The following PTER variants were observed in gnomAD, a reference collection of about 807,000 sequenced individuals.
PTER encodes the protein N-acetyltaurine hydrolase.
A neutral mutation model predicts 29.6 loss-of-function variants in PTER; 38 were observed. The ratio of observed to expected loss-of-function variants is 1.28; its 90% confidence interval spans 0.99 to 1.68. The LOEUF (loss-of-function observed/expected upper bound fraction) is 1.68, where lower values mean the gene tolerates loss of function less well. PTER is among the 40% of genes most tolerant of loss of function. The pLI is 0.00. For synonymous variants in PTER, 172 were observed against 154.5 expected, an observed-to-expected ratio of 1.11 and a Z score of -0.84; for missense variants, 482 against 427.8, an observed-to-expected ratio of 1.13 and a Z score of -1.12.
rs200152484 is a variant in PTER at position 16,476,903 on chromosome 10, T to TCTC, written c.-48-7434_-48-7433insCTC. Among the ~76,000 whole-genome samples the TCTC allele has an allele frequency of 2.9e-4, 30 of 102,920 alleles. 1 individual carries two copies. Among genetic ancestry groups the TCTC allele is most frequent in the South Asian group, 2.4e-3 (7 of 2,914 alleles). 67.5% of individuals were successfully genotyped at this position (102,920 alleles called of 152,430 possible). A position where few individuals can be genotyped will look rare whatever the true frequency, so the allele number is the denominator to read the frequency against. On this transcript the variant is annotated intron_variant, in intron 1 of 4. Transcript: ENST00000535784. Reference sequence around the variant, plus strand: ...AACCACCCCTCCATCCTAGAATTCTTTTTTTTTTTTTTTTTTTTTTGAGAC... The same window carrying TCTC: ...AACCACCCCTCCATCCTAGAATTCTTCTCTTTTTTTTTTTTTTTTTTTTGAGAC...
Position 16,512,990 on chromosome 10 carries a change from A to T in PTER, c.*1734A>T, listed in dbSNP as rs1323720790. On this transcript the variant is annotated 3_prime_UTR_variant, in exon 5 of 5. Transcript: ENST00000535784. ...CCAAATCTACTGTACTGTCAGCTTC[A>T]CTCCACCTGAGAAAAAAGAAAAAAA... 1 of 152,364 alleles carries T rather than the reference A, an allele frequency of 6.6e-6. No homozygotes were observed. Among genetic ancestry groups the T allele is most frequent in the Non-Finnish European group, 1.5e-5 (1 of 67,946 alleles). 9.4% of individuals were successfully genotyped at this position (152,364 alleles called of 1,614,324 possible).
At chr10:16,438,469 GT>G (rs1554784924) in intron 1 of PTER, among the ~76,000 whole-genome samples, 8 of 95,060 alleles carry the variant, frequency 8.4e-5, no homozygotes, top group South Asian at 3.2e-4. Flanking sequence ...TCTGTTTTTT[GT>G]TTTTTTTTTT....
intron 1 of PTER, among the ~76,000 whole-genome samples, chr10:16,463,675 C>T (rs889543345): frequency 6.6e-6 from 1 of 152,212 alleles, no homozygotes; most frequent in East Asian, 1.9e-4. Context: ...CTCGGCTTCC[C>T]AAACTGCTGG....
At chr10:16,450,451 T>A (rs1834163594) in intron 1 of PTER, among the ~76,000 whole-genome samples, 1 of 152,026 alleles carries the variant, frequency 6.6e-6, no homozygotes, top group Non-Finnish European at 1.5e-5. Context: ...CTCATAAGAG[T>A]TTATAAGCTC....
At position 16,511,000 on chromosome 10, in the gene PTER, G is replaced by A. The variant is rs758869868; in HGVS notation, c.840-46G>A. The A allele has an allele frequency of 2.3e-5, 35 of 1,544,860 alleles. 1 individual carries two copies. The highest frequency in any genetic ancestry group is 5.7e-5 in the Admixed American group (3 of 52,884). On this transcript the variant is annotated intron_variant, in intron 4 of 4. Transcript: ENST00000535784. ...AAAAGTTGAAAGCATCCTGAAAAGCGAAAATGAAAGACAAATGACATCTAA... is the reference window on the plus strand; with the variant it reads ...AAAAGTTGAAAGCATCCTGAAAAGCAAAAATGAAAGACAAATGACATCTAA...
intron 3 of PTER, among the ~76,000 whole-genome samples, chr10:16,498,852 C>G (rs769990928): frequency 1.3e-5 from 2 of 152,178 alleles, no homozygotes; most frequent in Non-Finnish European, 2.9e-5. Flanking sequence ...AGCGCTTTGG[C>G]AGTCCCTGGA....
chr10:16,462,831 A>G (rs1214620379), intron 1 of PTER, among the ~76,000 whole-genome samples: 1 of 148,978 alleles, frequency 6.7e-6, no homozygotes, highest in Non-Finnish European at 1.5e-5. Flanking sequence ...TCAGCCTCCC[A>G]AAGTGCTGGG....
At chr10:16,446,349 G>A (rs538870764) in intron 1 of PTER, among the ~76,000 whole-genome samples, 1 of 152,088 alleles carries the variant, frequency 6.6e-6, no homozygotes, top group African/African-American at 2.4e-5. Flanking sequence ...TTCTTGAGTA[G>A]CTGAGATTAA....
rs991874694 is a variant in PTER, at chr10:16,511,352, A to T, written c.*96A>T. The T allele has an allele frequency of 1.2e-5, 14 of 1,120,360 alleles. No individual in the cohort carries two copies. The highest frequency in any genetic ancestry group is 2.7e-4 in the Middle Eastern group (1 of 3,716). The allele number at this position is 1,120,360 out of a possible 1,614,324, so 69.4% of individuals were successfully genotyped here. On this transcript the variant is annotated 3_prime_UTR_variant, in exon 5 of 5. Transcript: ENST00000535784. ...GTGAGATATTAATCAGTTACCTAGG[A>T]CTAATGACAGATCATTTCCTTCTGA...
At chr10:16,517,139 A>C (rs1289379763), downstream of PTER, among the ~76,000 whole-genome samples, 1 of 152,240 alleles carries the variant, frequency 6.6e-6, no homozygotes, top group Non-Finnish European at 1.5e-5. Context: ...TGATTTCAGC[A>C]TTCTGTCTGG....
At chr10:16,483,761 C>G (rs1019456595) in intron 1 of PTER, among the ~76,000 whole-genome samples, 2 of 151,998 alleles carry the variant, frequency 1.3e-5, no homozygotes, top group African/African-American at 4.8e-5. Context: ...CAGGAAAATC[C>G]CTTGAACCCA....
chr10:16,459,848 A>C (rs542349203), intron 1 of PTER, among the ~76,000 whole-genome samples: 167 of 152,228 alleles, frequency 1.1e-3, no homozygotes, highest in African/African-American at 3.9e-3. Flanking sequence ...CCCGGGTTCA[A>C]CCGAGTCTCC....
chr10:16,466,557 T>C (rs1834841437), intron 1 of PTER, among the ~76,000 whole-genome samples: 2 of 152,196 alleles, frequency 1.3e-5, no homozygotes, highest in South Asian at 4.1e-4. Flanking sequence ...GGTCTTGCCA[T>C]GTTGGCCAGG....
chr10:16,449,715 G>A (rs563964151), intron 1 of PTER, among the ~76,000 whole-genome samples: 1 of 152,292 alleles, frequency 6.6e-6, no homozygotes, highest in Admixed American at 6.5e-5. Context: ...CTTCAAGGAT[G>A]CAGGTGCTCC....
intron 4 of PTER, 130 bp from the exon 5 acceptor site, chr10:16,510,916 G>C (rs1032527714): frequency 9.7e-6 from 7 of 724,902 alleles, no homozygotes; most frequent in Non-Finnish European, 1.6e-5. Flanking sequence ...AGGTCTCTCA[G>C]TACACACGCC....
At chr10:16,499,709 G>A (rs961443113) in intron 3 of PTER, among the ~76,000 whole-genome samples, 1 of 152,016 alleles carries the variant, frequency 6.6e-6, no homozygotes, top group Non-Finnish European at 1.5e-5. Context: ...CTCGCAAAGT[G>A]CTGGGATTAC....
intron 3 of PTER, among the ~76,000 whole-genome samples, chr10:16,488,584 T>C (rs968018792): frequency 8.4e-6 from 1 of 118,624 alleles, no homozygotes; most frequent in Non-Finnish European, 1.8e-5. Flanking sequence ...TCTACTAATT[T>C]AAATATATAT....
Position 16,511,719 on chromosome 10 carries a change from G to T in PTER, c.*463G>T, listed in dbSNP as rs1331255. 0.37 allele frequency: 58,549 copies of T among 158,912 alleles called. 10,966 individuals are homozygous for T. The highest frequency in any genetic ancestry group is 0.45 in the Middle Eastern group (133 of 296). The allele number at this position is 158,912 out of a possible 1,614,324, so 9.8% of individuals were successfully genotyped here. A position where few individuals can be genotyped will look rare whatever the true frequency, so the allele number is the denominator to read the frequency against. ...AATATGGCACTGTAAAATAGCTTCT[G>T]CAACAAGGGAAGTTAAATTTTGAGA... On this transcript the variant is annotated 3_prime_UTR_variant, in exon 5 of 5. Transcript: ENST00000535784.
chr10:16,475,067 G>T (rs1167575258), intron 1 of PTER, among the ~76,000 whole-genome samples: 2 of 152,070 alleles, frequency 1.3e-5, no homozygotes, highest in African/African-American at 4.8e-5. Context: ...TTTATAAAGG[G>T]ACTAATTCCA....
Sources: gnomAD v4.1 joint callset for allele counts (sites outside exome capture counted in the v4.1 genomes callset) on GRCh38, gnomAD v4.1.1 for gene constraint, MANE v1.5 for transcripts, NCBI Gene and HGNC (gene_info 2026-07-23, HGNC 2026-07-21) for gene names.